The following ANKFN1 variants were observed in gnomAD, a reference collection of about 807,000 sequenced individuals.
ANKFN1 encodes the protein ankyrin repeat and fibronectin type-III domain-containing protein 1.
ANKFN1 carries 74 observed loss-of-function variants against 108.7 expected under a neutral mutation model. The ratio of observed to expected loss-of-function variants is 0.68; its 90% CI spans 0.56 to 0.83. ANKFN1 has a LOEUF of 0.83. ANKFN1 is among the 40% of genes least tolerant of loss of function. ANKFN1 has a pLI of 0.00. For missense variants in ANKFN1, 1,505 were observed against 1,382.3 expected (o/e 1.09, Z -1.41); for synonymous variants, 547 against 516.2 (o/e 1.06, Z -0.81).
chr17:56,438,935 C>T (rs903053692), intron 8 of ANKFN1, among the ~76,000 whole-genome samples: 2 of 152,004 alleles, frequency 1.3e-5, no homozygotes, highest in African/African-American at 2.4e-5. Context: ...AAAACCAGGA[C>T]GAGTCTAGAA....
intron 1 of ANKFN1, chr17:56,153,754 T>C (rs1162233918): frequency 1.6e-6 from 1 of 623,934 alleles, no homozygotes; most frequent in African/African-American, 1.8e-5. Context: ...TTTTGGGAGG[T>C]GGGAGAATGG....
At chr17:56,160,226 G>A (rs1420548846) in intron 1 of ANKFN1, among the ~76,000 whole-genome samples, 1 of 152,170 alleles carries the variant, frequency 6.6e-6, no homozygotes, top group Non-Finnish European at 1.5e-5. Flanking sequence ...TCTTTAAGAG[G>A]ATGATTGATG....
intron 20 of ANKFN1, among the ~76,000 whole-genome samples, chr17:56,505,473 G>T (rs2051525465): frequency 1.3e-5 from 2 of 152,084 alleles, no homozygotes; most frequent in Non-Finnish European, 2.9e-5. Context: ...TATATGATCT[G>T]GGAAATACAA....
In ANKFN1 at chr17:56,350,835, T is replaced by G; in HGVS notation, c.258T>G (p.Ala86=). ...LHLCQSKKHS[A]PSSPNAAKRL... ...TCTGTCAGTCAAAAAAACATAGTGC[T>G]CCCTCATCTCCCAACGCAGCCAAAC... Residue 86 remains alanine (A), a synonymous_variant, in exon 5 of 21, where the codon GCT becomes GCG. Transcript: ENST00000682825. 1 of 1,613,752 alleles carries G rather than the reference T, an allele frequency of 6.2e-7. No individual in the cohort carries two copies. The highest frequency in any genetic ancestry group is 2.2e-5 in the East Asian group (1 of 44,842).
chr17:56,455,829 A>G (rs181040897), intron 11 of ANKFN1, among the ~76,000 whole-genome samples: 1 of 152,322 alleles, frequency 6.6e-6, no homozygotes, highest in East Asian at 1.9e-4. Context: ...AGTGCCCCCA[A>G]TAAATATTTG....
intron 3 of ANKFN1, among the ~76,000 whole-genome samples, chr17:56,260,249 C>T (rs993795770): frequency 6.6e-6 from 1 of 152,176 alleles, no homozygotes; most frequent in East Asian, 1.9e-4. Context: ...TTCAAAACAA[C>T]ATTTTAATGA....
At chr17:56,432,728 G>T (rs2048799575) in intron 8 of ANKFN1, among the ~76,000 whole-genome samples, 1 of 152,186 alleles carries the variant, frequency 6.6e-6, no homozygotes, top group African/African-American at 2.4e-5. Flanking sequence ...CCCAGGTGGT[G>T]ACTGCTTGGT....
chr17:56,130,029 A>G (rs1251230749), intron 4 of ANKFN1, among the ~76,000 whole-genome samples: 2 of 152,246 alleles, frequency 1.3e-5, no homozygotes, highest in Admixed American at 6.5e-5. Context: ...TAACCTCGCT[A>G]TAGATTAGAG....
intron 6 of ANKFN1, among the ~76,000 whole-genome samples, chr17:56,371,939 C>T (rs2046822149): frequency 1.3e-5 from 2 of 152,154 alleles, no homozygotes; most frequent in South Asian, 4.1e-4. Flanking sequence ...ATAACTTATC[C>T]TCTTGAGCAT....
chr17:56,365,430 G>A (rs1191048622), intron 6 of ANKFN1, among the ~76,000 whole-genome samples: 1 of 152,162 alleles, frequency 6.6e-6, no homozygotes, highest in Non-Finnish European at 1.5e-5. Flanking sequence ...AGTCTTCTAT[G>A]TAAAGATTAT....
intron 6 of ANKFN1, among the ~76,000 whole-genome samples, chr17:56,365,142 T>G (rs73311765): frequency 0.035 from 5,332 of 152,238 alleles, 308 homozygotes; most frequent in African/African-American, 0.12. Flanking sequence ...AAAATAAATT[T>G]TATTAACTGC....
At chr17:56,292,396 G>A (rs2044386973) in intron 3 of ANKFN1, among the ~76,000 whole-genome samples, 1 of 152,144 alleles carries the variant, frequency 6.6e-6, no homozygotes, top group South Asian at 2.1e-4. Context: ...CAGAGAGTGT[G>A]GCTCTGAGAA....
chr17:56,170,484 C>T (rs952312117), intron 1 of ANKFN1, among the ~76,000 whole-genome samples: 13 of 151,996 alleles, frequency 8.6e-5, no homozygotes, highest in African/African-American at 2.7e-4. Context: ...CCTAACAGGT[C>T]GGGTGCAGTG....
chr17:56,271,937 C>G (rs573955802), intron 3 of ANKFN1, among the ~76,000 whole-genome samples: 1 of 152,170 alleles, frequency 6.6e-6, no homozygotes, highest in East Asian at 1.9e-4. Context: ...GTATAAGTAC[C>G]AAACACAAGA....
Position 56,067,535 on chromosome 17 carries a change from A to G in ANKFN1, c.288+21210A>G, listed in dbSNP as rs1031157993. On this transcript the variant is annotated intron_variant, in intron 4 of 12. Transcript: ENST00000635860. ...CCCTTCCCTAAGACCTAAGTCAAGA[A>G]TCTCAGCTCTGATCAACCACTAAGA... Among the ~76,000 whole-genome samples, 12 of 152,152 alleles carry G rather than the reference A, an allele frequency of 7.9e-5. 1 individual carries two copies. Among genetic ancestry groups the G allele is most frequent in the Non-Finnish European group, 1.8e-4 (12 of 68,036 alleles).
At chr17:56,359,837 A>G (rs570392797) in intron 6 of ANKFN1, among the ~76,000 whole-genome samples, 2 of 152,274 alleles carry the variant, frequency 1.3e-5, no homozygotes, top group South Asian at 4.1e-4. Flanking sequence ...ACCCTTCCAC[A>G]TGGTCCTCCT....
intron 1 of ANKFN1, among the ~76,000 whole-genome samples, chr17:56,157,288 G>A (rs999353074): frequency 5.3e-5 from 8 of 152,174 alleles, no homozygotes; most frequent in African/African-American, 1.9e-4. Flanking sequence ...TCTAAAACAG[G>A]TGAGGAGGAA....
intron 2 of ANKFN1, among the ~76,000 whole-genome samples, chr17:56,216,838 C>T (rs565543241): frequency 1.3e-5 from 2 of 152,314 alleles, no homozygotes; most frequent in South Asian, 2.1e-4. Flanking sequence ...TGGCCTCCTA[C>T]ACCTCAAATT....
chr17:56,377,198 T>G (rs2046969448), intron 8 of ANKFN1, among the ~76,000 whole-genome samples: 1 of 152,232 alleles, frequency 6.6e-6, no homozygotes, highest in Non-Finnish European at 1.5e-5. Context: ...TCCTCCTTCA[T>G]GCTTAAGCTA....
Sources: gnomAD v4.1 joint callset for allele counts (sites outside exome capture counted in the v4.1 genomes callset) on GRCh38, gnomAD v4.1.1 for gene constraint, MANE v1.5 for transcripts, NCBI Gene and HGNC (gene_info 2026-07-23, HGNC 2026-07-21) for gene names.